The following ANKRD26 variants were observed in gnomAD, a reference collection of about 807,000 sequenced individuals.
ANKRD26 encodes ankyrin repeat domain 26, also known as ankyrin repeat domain-containing protein 26.
Under a neutral mutation model 208.7 loss-of-function variants are expected in ANKRD26, and 141 were observed. The ratio of observed to expected loss-of-function variants is 0.68; its 90% CI spans 0.59 to 0.78. ANKRD26 has a LOEUF of 0.78. Among genes scored for constraint, ANKRD26 ranks in the 30% least tolerant of loss-of-function variants. ANKRD26 has a pLI of 0.00. For synonymous variants in ANKRD26, 636 were observed against 660.4 expected (o/e 0.96, Z 0.57); for missense variants, 1,889 against 1,938.7 (o/e 0.97, Z 0.48).
the ANKRD26 span, among the ~76,000 whole-genome samples, chr10:26,948,793 G>T: frequency 2.6e-5 from 4 of 152,126 alleles, no homozygotes; most frequent in Admixed American, 6.5e-5. Context: ...TTCAAGACTA[G>T]CCTGGCCAAC....
chr10:27,083,479 T>G (rs2056003256), intron 5 of ANKRD26, among the ~76,000 whole-genome samples: 1 of 152,160 alleles, frequency 6.6e-6, no homozygotes, highest in Non-Finnish European at 1.5e-5. Context: ...ATCCCAGCAC[T>G]TTGGGAGGCC....
At position 27,005,015 on chromosome 10, in the gene ANKRD26, C is replaced by A. The variant is rs552558086; in HGVS notation, c.*575G>T. 6 of 982,434 alleles carry A rather than the reference C, an allele frequency of 6.1e-6. No homozygotes were observed. The South Asian group carries it at 2.8e-4, about 46-fold the overall frequency. The allele number at this position is 982,434 out of a possible 1,614,324, so 60.9% of individuals were successfully genotyped here. On this transcript the variant is annotated 3_prime_UTR_variant, in exon 34 of 34. Coordinates refer to ENST00000376087, the MANE Select transcript of ANKRD26 (RefSeq NM_014915.3). ...TTGTTCGGAGGAGAAAGTCTTTGTA[C>A]TAAAACTTCGAAATTTTCTCTAAAC...
At position 27,040,128 on chromosome 10, in the gene ANKRD26, A is replaced by C. The variant is rs2054182497; in HGVS notation, c.2212T>G (p.Leu738Val). 1 of 1,613,088 alleles carries C rather than the reference A, an allele frequency of 6.2e-7. No homozygotes were observed. The highest frequency in any genetic ancestry group is 8.5e-7 in the Non-Finnish European group (1 of 1,179,710). ...CAGTGATTTTTTTTAAGTTCTAATA[A>C]TCTTTCACATGAAAGAGCTGCATCC... ...IQDAALSCER[L>V]LELKKNHCEL... The change falls in exon 21 of 34, where the codon TTA becomes GTA. Residue 738 changes from leucine to valine, a missense_variant. Physicochemically the swap from Leu to Val is conservative, Grantham distance 32. This residue lies in a region of ANKRD26 where 1,272 missense variants were observed against 1,273.8 expected (regional missense o/e 1.00). Transcript: ENST00000376087.
chr10:27,073,802 C>G (rs2055590735), intron 9 of ANKRD26, among the ~76,000 whole-genome samples: 1 of 152,198 alleles, frequency 6.6e-6, no homozygotes, highest in Non-Finnish European at 1.5e-5. Context: ...AGACTTCTGC[C>G]ATTCCAGTCC....
downstream of ANKRD26, among the ~76,000 whole-genome samples, chr10:26,972,216 CAG>C (rs1021003131): frequency 5.1e-5 from 7 of 136,752 alleles, no homozygotes; most frequent in South Asian, 6.7e-4. Flanking sequence ...GCCTGGGCGA[CAG>C]AGCGAGACTC....
At chr10:27,023,104 G>A (rs937978637) in intron 28 of ANKRD26, among the ~76,000 whole-genome samples, 4 of 152,140 alleles carry the variant, frequency 2.6e-5, no homozygotes, top group East Asian at 3.8e-4. Context: ...CGAGCCAGGC[G>A]GATCACTTGA....
At chr10:26,979,223 A>T (rs2052272770) in intron 5 of ANKRD26, among the ~76,000 whole-genome samples, 1 of 152,212 alleles carries the variant, frequency 6.6e-6, no homozygotes, top group Non-Finnish European at 1.5e-5. Flanking sequence ...CATCTCAAAA[A>T]GAAAAGAAAA....
chr10:27,028,441 A>G (rs1339224716), intron 27 of ANKRD26, among the ~76,000 whole-genome samples: 3 of 151,636 alleles, frequency 2.0e-5, no homozygotes, highest in Admixed American at 2.0e-4. Context: ...CTAAAAATAC[A>G]AAAAAATTAA....
At chr10:27,080,572 G>C (rs2055871252) in intron 6 of ANKRD26, 1 of 945,190 alleles carries the variant, frequency 1.1e-6, no homozygotes, top group African/African-American at 1.8e-5. Flanking sequence ...GAATGCTGGA[G>C]AAAGAGTCCT....
At position 27,005,585 on chromosome 10, in the gene ANKRD26, A is replaced by T. The variant is rs1263294819; in HGVS notation, c.*5T>A. ...ATAAACAGCCCAGTAATAAAATCTT[A>T]TCTTTCAGATCATATAATTTTTCTT... On this transcript the variant is annotated 3_prime_UTR_variant, in exon 34 of 34. Transcript: ENST00000376087. 6.2e-7 allele frequency: 1 copy of T among 1,606,758 alleles called. No homozygotes were observed. Among genetic ancestry groups the T allele is most frequent in the African/African-American group, 1.3e-5 (1 of 74,750 alleles).
downstream of ANKRD26, among the ~76,000 whole-genome samples, chr10:27,001,595 T>C (rs1295986131): frequency 6.6e-6 from 1 of 152,216 alleles, no homozygotes; most frequent in Admixed American, 6.5e-5. Context: ...GCCATTTGCA[T>C]AGTGCAGAAA....
At chr10:26,953,150 C>G in the ANKRD26 span, among the ~76,000 whole-genome samples, 1 of 152,168 alleles carries the variant, frequency 6.6e-6, no homozygotes, top group South Asian at 2.1e-4. Context: ...CCAGGCCAGA[C>G]AGAGTGGGTC....
At chr10:26,953,717 G>C in the ANKRD26 span, among the ~76,000 whole-genome samples, 1 of 152,222 alleles carries the variant, frequency 6.6e-6, no homozygotes, top group Non-Finnish European at 1.5e-5. Flanking sequence ...GATCTTAAGA[G>C]AAGGGGTTAG....
At chr10:27,094,451 T>A (rs2056401988) in intron 1 of ANKRD26, among the ~76,000 whole-genome samples, 1 of 152,194 alleles carries the variant, frequency 6.6e-6, no homozygotes, top group African/African-American at 2.4e-5. Flanking sequence ...AATCCTACTT[T>A]AAGCTGTCAC....
intron 13 of ANKRD26, 76 bp from the exon 14 acceptor site, chr10:27,060,616 T>C: frequency 9.1e-7 from 1 of 1,097,128 alleles, no homozygotes. Flanking sequence ...GCAGTGTTAG[T>C]ATGACCAGAA....
the ANKRD26 span, among the ~76,000 whole-genome samples, chr10:26,966,117 C>G: frequency 6.6e-6 from 1 of 152,194 alleles, no homozygotes; most frequent in East Asian, 1.9e-4. Context: ...TTTGACCCAG[C>G]AATCCCCTTT....
exon 6 of ANKRD26, among the ~76,000 whole-genome samples, chr10:26,974,430 T>G (rs1284924625): frequency 6.6e-6 from 1 of 151,070 alleles, no homozygotes; most frequent in Non-Finnish European, 1.5e-5. Context: ...AAGCTCTGCC[T>G]CCCGGGTTCA....
At chr10:27,077,819 C>G (rs1382578491) in intron 7 of ANKRD26, 126 bp from the exon 8 acceptor site, 2 of 858,524 alleles carry the variant, frequency 2.3e-6, no homozygotes, top group South Asian at 1.5e-5. Context: ...TGGAGTCACT[C>G]AGATGTAGAT....
intron 15 of ANKRD26, among the ~76,000 whole-genome samples, chr10:27,058,360 T>C (rs1056808412): frequency 6.6e-6 from 1 of 152,218 alleles, no homozygotes; most frequent in African/African-American, 2.4e-5. Flanking sequence ...AAGTGTACAG[T>C]AGACTTTTTC....
Sources: gnomAD v4.1 joint callset for allele counts (sites outside exome capture counted in the v4.1 genomes callset) on GRCh38, gnomAD v4.1.1 for gene constraint, gnomAD v4.1.1 regional missense constraint, MANE v1.5 for transcripts, NCBI Gene and HGNC (gene_info 2026-07-23, HGNC 2026-07-21) for gene names.